AUTS2: variants seen among roughly 807,000 people sequenced by gnomAD.
AUTS2 encodes the protein activator of transcription and developmental regulator AUTS2, also known as autism susceptibility gene 2 protein.
A neutral mutation model predicts 112.4 loss-of-function variants in AUTS2; 17 were observed. The observed-to-expected ratio is 0.15, with a 90% CI of 0.10 to 0.23. AUTS2 has a LOEUF of 0.23. Ranked by LOEUF, AUTS2 falls within the 10% of genes least tolerant of loss-of-function variation. The pLI is 1.00. For synonymous variants in AUTS2, 751 were observed against 702.7 expected (o/e 1.07, Z -1.09); for missense variants, 1,510 against 1,701.6 (o/e 0.89, Z 1.98).
intron 4 of AUTS2, among the ~76,000 whole-genome samples, chr7:70,314,011 G>A (rs910298540): frequency 6.6e-6 from 1 of 152,176 alleles, no homozygotes; most frequent in Non-Finnish European, 1.5e-5. Context: ...AAGGCCCTTA[G>A]GTTATTATTG....
intron 5 of AUTS2, among the ~76,000 whole-genome samples, chr7:70,583,115 C>A (rs893632484): frequency 2.0e-5 from 3 of 152,208 alleles, no homozygotes; most frequent in Non-Finnish European, 4.4e-5. Context: ...CCTGGCTGGT[C>A]TTCCTGCTGC....
intron 1 of AUTS2, among the ~76,000 whole-genome samples, chr7:69,709,395 G>GT (rs1430916045): frequency 6.6e-6 from 1 of 152,154 alleles, no homozygotes; most frequent in East Asian, 1.9e-4. Context: ...TACCAGCAGA[G>GT]TAAGTTAGCC....
At chr7:69,915,761 C>A (rs953275360) in intron 2 of AUTS2, among the ~76,000 whole-genome samples, 1 of 152,196 alleles carries the variant, frequency 6.6e-6, no homozygotes, top group African/African-American at 2.4e-5. Flanking sequence ...GAGTCTCACT[C>A]TATCACCAAG....
At chr7:69,625,267 G>A (rs1294001762) in intron 1 of AUTS2, among the ~76,000 whole-genome samples, 1 of 152,184 alleles carries the variant, frequency 6.6e-6, no homozygotes, top group Non-Finnish European at 1.5e-5. Context: ...AGTTCTGTGT[G>A]TCTACTGTCA....
At chr7:70,106,384 A>G (rs1019594507) in intron 2 of AUTS2, among the ~76,000 whole-genome samples, 3 of 152,182 alleles carry the variant, frequency 2.0e-5, no homozygotes, top group South Asian at 2.1e-4. Flanking sequence ...TAACTGGACT[A>G]TGCTGGCACT....
intron 1 of AUTS2, among the ~76,000 whole-genome samples, chr7:69,685,615 T>C (rs936613798): frequency 1.3e-5 from 2 of 152,138 alleles, no homozygotes; most frequent in African/African-American, 4.8e-5. Context: ...TGAGAGCAGA[T>C]GATTTTCAGA....
chr7:69,754,324 T>C (rs1181756912), intron 1 of AUTS2, among the ~76,000 whole-genome samples: 4 of 152,018 alleles, frequency 2.6e-5, no homozygotes, highest in African/African-American at 9.7e-5. Flanking sequence ...CAAAGGATGG[T>C]TTGGGAGGTA....
At chr7:69,820,533 A>C (rs1031598280) in intron 1 of AUTS2, among the ~76,000 whole-genome samples, 2 of 152,230 alleles carry the variant, frequency 1.3e-5, no homozygotes, top group African/African-American at 4.8e-5. Context: ...TTCCAGGGGG[A>C]ATAAATGAGT....
intron 18 of AUTS2, among the ~76,000 whole-genome samples, chr7:70,787,867 G>A (rs1314344103): frequency 6.6e-6 from 1 of 152,044 alleles, no homozygotes; most frequent in Non-Finnish European, 1.5e-5. Flanking sequence ...AGCCATGTTT[G>A]CATTGCCTCA....
chr7:70,455,303 G>A (rs1664180381), intron 5 of AUTS2, among the ~76,000 whole-genome samples: 1 of 152,156 alleles, frequency 6.6e-6, no homozygotes, highest in South Asian at 2.1e-4. Flanking sequence ...TTGTGGTGGG[G>A]CCTGGACCAC....
At chr7:70,409,421 T>C (rs940839437) in intron 4 of AUTS2, among the ~76,000 whole-genome samples, 1 of 152,310 alleles carries the variant, frequency 6.6e-6, no homozygotes, top group South Asian at 2.1e-4. Context: ...GGTTATTAGT[T>C]TGGAGAAAGA....
chr7:70,137,766 T>C (rs1806647321), intron 4 of AUTS2, among the ~76,000 whole-genome samples: 1 of 152,198 alleles, frequency 6.6e-6, no homozygotes, highest in East Asian at 1.9e-4. Flanking sequence ...AGTACTGCCT[T>C]CTGTTATTCA....
chr7:69,836,616 C>G (rs1302571799), intron 1 of AUTS2, among the ~76,000 whole-genome samples: 5 of 151,992 alleles, frequency 3.3e-5, no homozygotes, highest in Non-Finnish European at 5.9e-5. Flanking sequence ...TTAAATCACT[C>G]CAGTTTATAC....
At chr7:70,250,660 A>G (rs1363711860) in intron 4 of AUTS2, among the ~76,000 whole-genome samples, 1 of 152,240 alleles carries the variant, frequency 6.6e-6, no homozygotes, top group Non-Finnish European at 1.5e-5. Context: ...CATGGTACAT[A>G]TACATCATGG....
chr7:70,754,995 T>G (rs571723995), intron 6 of AUTS2, among the ~76,000 whole-genome samples: 1 of 152,250 alleles, frequency 6.6e-6, no homozygotes, highest in East Asian at 1.9e-4. Context: ...GGAGAGTTGG[T>G]TTTTTGTGTA....
chr7:70,719,746 ACCACCGCACCCGG>A (rs1218675239), intron 6 of AUTS2, among the ~76,000 whole-genome samples: 1 of 152,094 alleles, frequency 6.6e-6, no homozygotes, highest in Non-Finnish European at 1.5e-5. Context: ...ACAGGCGTGA[ACCACCGCACCCGG>A]CCAAGACACA....
intron 1 of AUTS2, among the ~76,000 whole-genome samples, chr7:69,614,917 A>G (rs1316231924): frequency 2.0e-5 from 3 of 152,266 alleles, no homozygotes; most frequent in East Asian, 3.8e-4. Context: ...TGGAAATACC[A>G]TACTAGAATT....
intron 2 of AUTS2, among the ~76,000 whole-genome samples, chr7:69,982,046 A>G (rs528965601): frequency 2.0e-4 from 31 of 152,358 alleles, no homozygotes; most frequent in Non-Finnish European, 3.7e-4. Context: ...ACTCGTAGGC[A>G]CCAACACAGA....
At chr7:70,162,395 G>C (rs968488187) in intron 4 of AUTS2, among the ~76,000 whole-genome samples, 1 of 128,922 alleles carries the variant, frequency 7.8e-6, no homozygotes, top group Non-Finnish European at 1.6e-5. Context: ...GCAGTGAGCC[G>C]AGATCCCGCC....
Sources: gnomAD v4.1 joint callset for allele counts (sites outside exome capture counted in the v4.1 genomes callset) on GRCh38, gnomAD v4.1.1 for gene constraint, MANE v1.5 for transcripts, NCBI Gene and HGNC (gene_info 2026-07-23, HGNC 2026-07-21) for gene names.